The following SLC24A2 variants were observed in gnomAD, a reference collection of about 807,000 sequenced individuals.
The protein encoded by SLC24A2 is solute carrier family 24 member 2.
In SLC24A2, 36 loss-of-function variants were observed where a neutral mutation model predicts 62.0. The observed-to-expected ratio is 0.58, with a 90% CI of 0.44 to 0.77. The LOEUF is 0.77. Ranked by LOEUF, SLC24A2 falls within the 30% of genes least tolerant of loss-of-function variation. The probability of loss-of-function intolerance (pLI) is 0.00; values close to 1 mark genes in which losing one functional copy is unlikely to be tolerated. For synonymous variants in SLC24A2, 358 were observed against 294.0 expected (o/e 1.22, Z -2.23); for missense variants, 846 against 817.9 (o/e 1.03, Z -0.42).
intron 2 of SLC24A2, among the ~76,000 whole-genome samples, chr9:19,777,663 T>C (rs1329350749): frequency 6.6e-6 from 1 of 152,170 alleles, no homozygotes; most frequent in Non-Finnish European, 1.5e-5. Context: ...AAATTTTGTA[T>C]GTCCAATATG....
the SLC24A2 span, among the ~76,000 whole-genome samples, chr9:20,117,055 A>T: frequency 6.6e-6 from 1 of 152,152 alleles, no homozygotes; most frequent in East Asian, 1.9e-4. Flanking sequence ...CCTTCATTTC[A>T]TCTGGCAGGA....
the SLC24A2 span, among the ~76,000 whole-genome samples, chr9:20,279,210 C>A: frequency 2.0e-5 from 3 of 152,194 alleles, no homozygotes; most frequent in African/African-American, 7.2e-5. Context: ...GATGGGGACA[C>A]AGCCAAATCA....
intron 8 of SLC24A2, among the ~76,000 whole-genome samples, chr9:19,536,622 T>G (rs1359048551): frequency 1.4e-5 from 1 of 69,250 alleles, no homozygotes; most frequent in African/African-American, 6.2e-5. Context: ...TTGGGTTGGT[T>G]CCAAGTCTTT....
chr9:19,972,076 C>T, the SLC24A2 span, among the ~76,000 whole-genome samples: 7 of 152,110 alleles, frequency 4.6e-5, no homozygotes, highest in East Asian at 3.9e-4. Flanking sequence ...TGAGTAAGGA[C>T]GAGGACTTTA....
chr9:19,574,450 C>T (rs1586984319), intron 6 of SLC24A2, among the ~76,000 whole-genome samples: 1 of 152,170 alleles, frequency 6.6e-6, no homozygotes, highest in Admixed American at 6.5e-5. Context: ...TGTGCTGTTT[C>T]ACCCTTTGCA....
chr9:19,633,069 C>G (rs1372970412), intron 2 of SLC24A2, among the ~76,000 whole-genome samples: 2 of 152,182 alleles, frequency 1.3e-5, no homozygotes, highest in East Asian at 1.9e-4. Context: ...CATATGTATA[C>G]TTTTCAGGTT....
the SLC24A2 span, among the ~76,000 whole-genome samples, chr9:20,083,970 T>G: frequency 6.6e-6 from 1 of 152,228 alleles, no homozygotes; most frequent in Non-Finnish European, 1.5e-5. Flanking sequence ...CATATACCTA[T>G]TGCTCCTTTG....
At chr9:20,206,571 C>A in the SLC24A2 span, among the ~76,000 whole-genome samples, 1 of 152,114 alleles carries the variant, frequency 6.6e-6, no homozygotes, top group Non-Finnish European at 1.5e-5. Flanking sequence ...CTCACTGCAA[C>A]CTCTGCCTCC....
chr9:20,200,456 C>G, the SLC24A2 span, among the ~76,000 whole-genome samples: 2 of 152,226 alleles, frequency 1.3e-5, no homozygotes, highest in African/African-American at 4.8e-5. Flanking sequence ...ACAAATTTAT[C>G]CCGCTAAACC....
intron 5 of SLC24A2, among the ~76,000 whole-genome samples, chr9:19,580,103 G>T (rs989805849): frequency 2.0e-5 from 3 of 152,218 alleles, no homozygotes; most frequent in African/African-American, 7.2e-5. Context: ...AGCGTTATTT[G>T]TGTCCTCTTG....
chr9:20,083,759 A>G, the SLC24A2 span, among the ~76,000 whole-genome samples: 1 of 152,146 alleles, frequency 6.6e-6, no homozygotes, highest in Non-Finnish European at 1.5e-5. Flanking sequence ...GCAATTATTC[A>G]TTTAGAAGCC....
At chr9:19,950,219 G>A in the SLC24A2 span, among the ~76,000 whole-genome samples, 1 of 152,100 alleles carries the variant, frequency 6.6e-6, no homozygotes, top group Non-Finnish European at 1.5e-5. Flanking sequence ...CTTCCTTATA[G>A]GGTTGTTGTA....
chr9:19,789,843 A>G (rs1465397723), upstream of SLC24A2, among the ~76,000 whole-genome samples: 1 of 152,158 alleles, frequency 6.6e-6, no homozygotes, highest in African/African-American at 2.4e-5. Context: ...AAGCTCTGAA[A>G]GCTTTTCGCA....
the SLC24A2 span, among the ~76,000 whole-genome samples, chr9:20,067,145 A>G: frequency 1.3e-5 from 2 of 152,160 alleles, no homozygotes; most frequent in Non-Finnish European, 2.9e-5. Context: ...ATCTTTGTCA[A>G]ATATATTATT....
At chr9:19,971,790 G>C in the SLC24A2 span, among the ~76,000 whole-genome samples, 6 of 152,138 alleles carry the variant, frequency 3.9e-5, no homozygotes, top group South Asian at 1.2e-3. Flanking sequence ...GACGATGGCT[G>C]ACACCAACTG....
intron 2 of SLC24A2, among the ~76,000 whole-genome samples, chr9:19,686,959 A>T (rs1180046661): frequency 6.6e-6 from 1 of 152,186 alleles, no homozygotes. Flanking sequence ...GCCATAAAAA[A>T]GAATGAGATA....
intron 8 of SLC24A2, among the ~76,000 whole-genome samples, chr9:19,534,840 G>A (rs538046379): frequency 1.3e-5 from 2 of 152,266 alleles, no homozygotes; most frequent in African/African-American, 4.8e-5. Context: ...TGTCTTTATA[G>A]TAGAATGATT....
At chr9:20,103,355 A>G in the SLC24A2 span, among the ~76,000 whole-genome samples, 1 of 152,240 alleles carries the variant, frequency 6.6e-6, no homozygotes, top group African/African-American at 2.4e-5. Flanking sequence ...TGGTTCTCCC[A>G]GCATGCAGCT....
the SLC24A2 span, among the ~76,000 whole-genome samples, chr9:19,810,688 C>A: frequency 1.4e-4 from 22 of 152,138 alleles, no homozygotes; most frequent in African/African-American, 5.3e-4. Flanking sequence ...ATAATAAAAT[C>A]CATAGCTCTT....
Sources: allele counts gnomAD v4.1 joint callset (sites outside exome capture counted in the v4.1 genomes callset), GRCh38; gene constraint gnomAD v4.1.1; transcripts MANE v1.5; gene names NCBI Gene and HGNC (gene_info 2026-07-23, HGNC 2026-07-21).